The following GDA variants were observed in gnomAD, a reference collection of about 807,000 sequenced individuals.
GDA encodes the protein cytoplasmic PSD-95 interactor.
GDA carries 18 observed loss-of-function variants against 59.6 expected under a neutral mutation model. The observed-to-expected ratio is 0.30, with a 90% CI of 0.21 to 0.45. The LOEUF (loss-of-function observed/expected upper bound fraction) is 0.45. GDA is among the 20% of genes least tolerant of loss of function. The pLI is 1.00. For synonymous variants in GDA, 201 were observed against 201.1 expected (o/e 1.00, Z 0.00); for missense variants, 427 against 552.3 (o/e 0.77, Z 2.27).
intron 1 of GDA, among the ~76,000 whole-genome samples, chr9:72,119,720 T>G (rs1021368652): frequency 1.3e-5 from 2 of 152,158 alleles, no homozygotes; most frequent in African/African-American, 4.8e-5. Flanking sequence ...AAAAAATTCT[T>G]TTCATTTGAT....
chr9:72,129,111 C>T (rs1040601736), intron 1 of GDA, among the ~76,000 whole-genome samples: 4 of 152,118 alleles, frequency 2.6e-5, no homozygotes, highest in Admixed American at 6.5e-5. Flanking sequence ...TACAGGCATG[C>T]GCCACCACAT....
chr9:72,140,029 C>A (rs1826384971), intron 1 of GDA, among the ~76,000 whole-genome samples: 1 of 152,100 alleles, frequency 6.6e-6, no homozygotes, highest in Admixed American at 6.6e-5. Context: ...ATTCCAAGTT[C>A]TCTAGGGAAC....
intron 5 of GDA, among the ~76,000 whole-genome samples, chr9:72,219,276 G>A (rs1836541576): frequency 6.6e-6 from 1 of 152,004 alleles, no homozygotes; most frequent in Admixed American, 6.6e-5. Context: ...GGTGGCGGGT[G>A]CCTGTAGTCC....
intron 1 of GDA, among the ~76,000 whole-genome samples, chr9:72,117,167 G>A (rs1254357746): frequency 6.6e-6 from 1 of 151,898 alleles, no homozygotes; most frequent in African/African-American, 2.4e-5. Context: ...TCTTAATCTA[G>A]TCTATCATTC....
intron 1 of GDA, among the ~76,000 whole-genome samples, chr9:72,154,249 G>A (rs564175015): frequency 1.3e-5 from 2 of 152,292 alleles, no homozygotes; most frequent in East Asian, 3.9e-4. Context: ...ACTTACCTGT[G>A]CTGAGACCAC....
chr9:72,198,169 C>T (rs556811766), intron 2 of GDA, among the ~76,000 whole-genome samples: 119 of 152,012 alleles, frequency 7.8e-4, no homozygotes, highest in Admixed American at 3.4e-3. Flanking sequence ...CCGAGGCAGG[C>T]GGATCACTTG....
At chr9:72,182,031 C>CA (rs1047179827) in intron 1 of GDA, among the ~76,000 whole-genome samples, 1 of 152,168 alleles carries the variant, frequency 6.6e-6, no homozygotes, top group African/African-American at 2.4e-5. Context: ...CATGCACGCA[C>CA]ACACACACAT....
At chr9:72,182,252 C>G (rs1454753188) in intron 1 of GDA, among the ~76,000 whole-genome samples, 1 of 152,198 alleles carries the variant, frequency 6.6e-6, no homozygotes, top group Non-Finnish European at 1.5e-5. Flanking sequence ...ATTTCCCCTC[C>G]TCTTATTCAG....
At chr9:72,148,300 GGTGTGTGTAT>G (rs1332993950), upstream of GDA, among the ~76,000 whole-genome samples, 124 of 119,804 alleles carry the variant, frequency 1.0e-3, no homozygotes, top group African/African-American at 3.5e-3. Context: ...TTCTGTTATT[GGTGTGTGTAT>G]GTGTGTGTGT....
intron 1 of GDA, among the ~76,000 whole-genome samples, chr9:72,172,389 T>C (rs1354406517): frequency 1.3e-5 from 2 of 152,228 alleles, no homozygotes; most frequent in African/African-American, 2.4e-5. Context: ...AATTATTAGT[T>C]TTACTTTGTA....
Position 72,250,824 on chromosome 9 carries a change from C to G in GDA, c.*2482C>G, listed in dbSNP as rs758142317. 1.2e-6 allele frequency: 2 copies of G among 1,608,670 alleles called. No individual in the cohort carries two copies. The highest frequency in any genetic ancestry group is 2.7e-5 in the African/African-American group (2 of 74,816). On this transcript the variant is annotated 3_prime_UTR_variant, in exon 14 of 14. Transcript: ENST00000358399. The stretch of plus-strand genomic sequence containing the variant: ...CCTTAATGTTCCATGGTATTTTCAA[C>G]GGAATACACTTTGAAAGGTAAAAAC...
At chr9:72,233,833 T>G (rs373322474) in intron 10 of GDA, among the ~76,000 whole-genome samples, 1 of 152,062 alleles carries the variant, frequency 6.6e-6, no homozygotes, top group African/African-American at 2.4e-5. Context: ...TCCCAGCTAC[T>G]TGGGTGGCTG....
At chr9:72,224,762 A>G (rs1482180147) in intron 7 of GDA, among the ~76,000 whole-genome samples, 1 of 150,012 alleles carries the variant, frequency 6.7e-6, no homozygotes, top group East Asian at 2.0e-4. Flanking sequence ...TATGAATAAT[A>G]TATTCAGTGC....
chr9:72,150,291 CCT>C (rs959537447), intron 1 of GDA, among the ~76,000 whole-genome samples: 1 of 151,242 alleles, frequency 6.6e-6, no homozygotes, highest in African/African-American at 2.4e-5. Flanking sequence ...TCTTTTCCTT[CCT>C]CTCTCTCTCT....
chr9:72,131,745 T>C (rs1826034990), intron 1 of GDA, among the ~76,000 whole-genome samples: 1 of 152,110 alleles, frequency 6.6e-6, no homozygotes, highest in Non-Finnish European at 1.5e-5. Context: ...CCCTCCTCAC[T>C]GCTAGGTCAA....
In GDA at chr9:72,202,640, C is replaced by T. The variant is rs756826268; in HGVS notation, c.282C>T (p.Ser94=). 1.2e-6 allele frequency: 2 copies of T among 1,611,698 alleles called. No homozygotes were observed. Among genetic ancestry groups the T allele is most frequent in the South Asian group, 1.1e-5 (1 of 91,044 alleles). Residue 94 remains serine, a synonymous_variant, in exon 3 of 14, where the codon AGC becomes AGT. Coordinates refer to ENST00000358399, the MANE Select transcript of GDA (RefSeq NM_004293.5). ...CTCAGTATTCCTTTGCTGGAAGTAG[C>T]ATAGACCTGCCACTCTTGGAGTGGC... The part of the protein sequence containing the change: ...HASQYSFAGS[S]IDLPLLEWLT...
At chr9:72,136,918 T>G (rs1434145185) in intron 1 of GDA, among the ~76,000 whole-genome samples, 1 of 152,082 alleles carries the variant, frequency 6.6e-6, no homozygotes, top group Non-Finnish European at 1.5e-5. Flanking sequence ...GAACTTGCAG[T>G]GAGTGGAGAT....
At chr9:72,125,504 G>A (rs865905163) in intron 1 of GDA, among the ~76,000 whole-genome samples, 9 of 152,100 alleles carry the variant, frequency 5.9e-5, no homozygotes, top group African/African-American at 2.2e-4. Context: ...TTACAGGCAT[G>A]AGCCACTGTG....
chr9:72,142,225 T>A (rs1470619539), intron 1 of GDA, among the ~76,000 whole-genome samples: 2 of 152,200 alleles, frequency 1.3e-5, no homozygotes, highest in Non-Finnish European at 2.9e-5. Context: ...TAACAGCTTT[T>A]ATTGAGTTTC....
Sources: allele counts gnomAD v4.1 joint callset (sites outside exome capture counted in the v4.1 genomes callset), GRCh38; gene constraint gnomAD v4.1.1; transcripts MANE v1.5; gene names NCBI Gene and HGNC (gene_info 2026-07-23, HGNC 2026-07-21).